SKI: variants seen among roughly 807,000 people sequenced by gnomAD.
SKI encodes ski oncogene.
A neutral mutation model predicts 59.3 loss-of-function variants in SKI; 23 were observed. The observed-to-expected ratio is 0.39, with a 90% CI of 0.28 to 0.55. SKI has a LOEUF of 0.55. SKI is among the 20% of genes least tolerant of loss of function. The pLI is 0.67. For synonymous variants in SKI, 673 were observed against 488.6 expected (o/e 1.38, Z -4.98); for missense variants, 1,017 against 1,038.9 (o/e 0.98, Z 0.29).
Position 2,310,165 on chromosome 1 carries a change from C to T in SKI, c.*3400C>T, listed in dbSNP as rs1411853845. ...TTTCGCTGTGTACCTGTTAGTCCTT[C>T]CCCGACCCCGAAACAGATGACATTG... On this transcript the variant is annotated 3_prime_UTR_variant, in exon 7 of 7. Coordinates refer to ENST00000378536, the MANE Select transcript of SKI (RefSeq NM_003036.4). The T allele has an allele frequency of 2.6e-5, 4 of 152,054 alleles. No individual in the cohort carries two copies. The highest frequency in any genetic ancestry group is 4.4e-5 in the Non-Finnish European group (3 of 68,022). The allele number at this position is 152,054 out of a possible 1,614,324, so 9.4% of individuals were successfully genotyped here.
At chr1:2,293,955 G>A (rs1553199372) in intron 1 of SKI, among the ~76,000 whole-genome samples, 1 of 152,252 alleles carries the variant, frequency 6.6e-6, no homozygotes, top group Non-Finnish European at 1.5e-5. Context: ...TCATGTGATG[G>A]GGGCCACTCT....
chr1:2,233,559 TGCGCGCTTCCCAGTGGAGGGTCC>T (rs1335297490), intron 1 of SKI, among the ~76,000 whole-genome samples: 2 of 152,096 alleles, frequency 1.3e-5, no homozygotes, highest in African/African-American at 2.4e-5. Context: ...TGGGAAGCTC[TGCGCGCTTCCCAGTGGAGGGTCC>T]GCGACGGGGG....
chr1:2,305,426 A>G (rs1382178154), intron 5 of SKI, among the ~76,000 whole-genome samples: 1 of 151,974 alleles, frequency 6.6e-6, no homozygotes, highest in Non-Finnish European at 1.5e-5. Flanking sequence ...AGGGTTGCCG[A>G]CGTGCCCTCC....
chr1:2,247,611 G>A (rs1639027259), intron 1 of SKI, among the ~76,000 whole-genome samples: 1 of 152,222 alleles, frequency 6.6e-6, no homozygotes, highest in African/African-American at 2.4e-5. Context: ...CCCTGGGGTT[G>A]GGGTGCAGCC....
rs577087260 is a variant in SKI at position 2,267,350 on chromosome 1, A to G, written c.970-35628A>G. Among the ~76,000 whole-genome samples, 13 of 152,142 alleles carry G rather than the reference A, an allele frequency of 8.5e-5. No homozygotes were observed. The highest frequency in any genetic ancestry group is 2.7e-4 in the African/African-American group (11 of 41,418). On this transcript the variant is annotated intron_variant, in intron 1 of 6. Transcript: ENST00000378536. The surrounding 1 kb of genome is among the most constrained non-coding windows in gnomAD (Gnocchi z 4.1). ...GGAGTTCTGGGGTTTGTTTGTGGGCATTTCCAGGTAGTCTGATCCTGTGAG... is the reference window on the plus strand; with the variant it reads ...GGAGTTCTGGGGTTTGTTTGTGGGCGTTTCCAGGTAGTCTGATCCTGTGAG...
At chr1:2,264,522 G>C (rs1164235336) in intron 1 of SKI, among the ~76,000 whole-genome samples, 1 of 152,132 alleles carries the variant, frequency 6.6e-6, no homozygotes, top group Non-Finnish European at 1.5e-5. Context: ...GCCTGCTTCA[G>C]GTTTCCAAAG....
intron 1 of SKI, among the ~76,000 whole-genome samples, chr1:2,258,384 G>A (rs1639316979): frequency 6.6e-6 from 1 of 152,176 alleles, no homozygotes; most frequent in African/African-American, 2.4e-5. Flanking sequence ...TGGCTGTGCT[G>A]AGCGTGCTAC....
intron 1 of SKI, among the ~76,000 whole-genome samples, chr1:2,248,494 C>T (rs963614113): frequency 2.6e-5 from 4 of 152,320 alleles, no homozygotes; most frequent in African/African-American, 7.2e-5. Flanking sequence ...GGGGCCCCTG[C>T]GCCACTGGGG....
At chr1:2,284,375 C>T (rs758226900) in intron 1 of SKI, among the ~76,000 whole-genome samples, 2 of 152,212 alleles carry the variant, frequency 1.3e-5, no homozygotes, top group African/African-American at 2.4e-5. Flanking sequence ...TGGCCTGGGT[C>T]AGCACAGTAG....
At position 2,267,955 on chromosome 1, in the gene SKI, G is replaced by T. The variant is rs1401112216; in HGVS notation, c.970-35023G>T. The stretch of plus-strand genomic sequence containing the variant: ...CACCCGGGGCCTGTGTGCTGTGGTG[G>T]TCGTGGCTCTGTGGGTGCCGGGCAG... On this transcript the variant is annotated intron_variant, in intron 1 of 6. Coordinates refer to ENST00000378536, the MANE Select transcript of SKI (RefSeq NM_003036.4). The surrounding 1 kb of genome is among the most constrained non-coding windows in gnomAD (Gnocchi z 4.1). Among the ~76,000 whole-genome samples the T allele has an allele frequency of 1.3e-5, 2 of 152,214 alleles. No individual in the cohort carries two copies. Among genetic ancestry groups the T allele is most frequent in the Non-Finnish European group, 2.9e-5 (2 of 68,036 alleles).
intron 1 of SKI, among the ~76,000 whole-genome samples, chr1:2,291,359 G>A (rs1308432856): frequency 6.6e-6 from 1 of 152,210 alleles, no homozygotes; most frequent in Non-Finnish European, 1.5e-5. Context: ...TTCAAATCTG[G>A]GGTCTGTGGT....
At position 2,230,817 on chromosome 1, in the gene SKI, C is replaced by CT. The variant is rs894220045; in HGVS notation, c.969+1091dup. 5.9e-5 allele frequency among the ~76,000 whole-genome samples: 9 copies of CT among 152,086 alleles called. No individual in the cohort carries two copies. The East Asian group carries it at 9.7e-4, about 16-fold the overall frequency. On this transcript the variant is annotated intron_variant, in intron 1 of 6. Coordinates refer to ENST00000378536, the MANE Select transcript of SKI (RefSeq NM_003036.4). ...TAATTAATTCAGCTATTGCATCAAA[C>CT]TTTTTTTTTCTAAATCTGTGAATAG...
chr1:2,287,000 A>AC (rs1453297195), intron 1 of SKI, among the ~76,000 whole-genome samples: 1 of 152,242 alleles, frequency 6.6e-6, no homozygotes, highest in South Asian at 2.1e-4. Flanking sequence ...CTGCGTGCCC[A>AC]CAAAGCCAGC....
In SKI at chr1:2,229,066, C is replaced by T. The variant is rs1286311989; in HGVS notation, c.300C>T (p.Arg100=). ...TGCCGTCCGACCGCTCCACCGAGCG[C>T]TGCGAGACCGTACTGGAAGGCGAGA... ...FFMPSDRSTE[R]CETVLEGETI... The change falls in exon 1 of 7, where the codon CGC becomes CGT. Residue 100 remains arginine, a synonymous_variant. Transcript: ENST00000378536. The surrounding 1 kb of genome is among the most constrained non-coding windows in gnomAD (Gnocchi z 6.3). 9 of 1,607,260 alleles carry T rather than the reference C, an allele frequency of 5.6e-6. No individual in the cohort carries two copies. The highest frequency in any genetic ancestry group is 3.3e-5 in the Admixed American group (2 of 60,010).
intron 1 of SKI, among the ~76,000 whole-genome samples, chr1:2,274,187 A>G (rs1270139122): frequency 6.6e-6 from 1 of 152,034 alleles, no homozygotes; most frequent in Non-Finnish European, 1.5e-5. Context: ...TTTCCCTTTG[A>G]GGAGCTCTGC....
chr1:2,231,856 C>T (rs1375410007), intron 1 of SKI, among the ~76,000 whole-genome samples: 3 of 152,226 alleles, frequency 2.0e-5, no homozygotes, highest in East Asian at 1.9e-4. Context: ...ATGTTCTTGA[C>T]GTGGGATGGC....
At chr1:2,250,722 C>T (rs1639127939) in intron 1 of SKI, among the ~76,000 whole-genome samples, 1 of 152,244 alleles carries the variant, frequency 6.6e-6, no homozygotes, top group East Asian at 1.9e-4. Context: ...AGCTGGCTCC[C>T]CTGGCCACGC....
rs1247295036 is a variant in SKI at position 2,306,269 on chromosome 1, T to G, written c.1998+19T>G. The G allele has an allele frequency of 6.5e-7, 1 of 1,536,790 alleles. No individual in the cohort carries two copies. Among genetic ancestry groups the G allele is most frequent in the South Asian group, 1.2e-5 (1 of 83,488 alleles). ...GGCCCAGGTATGCGGGTGGGGAGAC[T>G]GAGGCACGCAGCACGGTGGGCGTGG... On this transcript the variant is annotated intron_variant, in intron 6 of 6. Coordinates refer to ENST00000378536, the MANE Select transcript of SKI (RefSeq NM_003036.4).
At chr1:2,240,540 G>A in intron 1 of SKI, 1 of 985,406 alleles carries the variant, frequency 1.0e-6, no homozygotes. Context: ...TGCGGGACTG[G>A]GACCGCTGGC....
Sources: allele counts gnomAD v4.1 joint callset (sites outside exome capture counted in the v4.1 genomes callset), GRCh38; gene constraint gnomAD v4.1.1; non-coding constraint Gnocchi (gnomAD v3.1); transcripts MANE v1.5; gene names NCBI Gene and HGNC (gene_info 2026-07-23, HGNC 2026-07-21).